CLASRP: variants seen among roughly 807,000 people sequenced by gnomAD.
CLASRP encodes CLK4-associating serine/arginine rich protein.
CLASRP carries 52 observed loss-of-function variants against 99.9 expected under a neutral mutation model. That is an observed-to-expected ratio of 0.52 (90% confidence interval 0.42 to 0.66). CLASRP has a LOEUF of 0.66. Among genes scored for constraint, CLASRP ranks in the 30% least tolerant of loss-of-function variants. The probability of loss-of-function intolerance (pLI) is 0.00; values close to 1 mark genes in which losing one functional copy is unlikely to be tolerated. For synonymous variants in CLASRP, 379 were observed against 373.0 expected (o/e 1.02, Z -0.18); for missense variants, 848 against 999.2 (o/e 0.85, Z 2.04).
At position 45,060,570 on chromosome 19, in the gene CLASRP, G is replaced by A. The variant is rs1966917396; in HGVS notation, c.806G>A (p.Arg269His). The A allele has an allele frequency of 6.2e-7, 1 of 1,613,032 alleles. No individual in the cohort carries two copies. Among genetic ancestry groups the A allele is most frequent in the Admixed American group, 1.7e-5 (1 of 59,948 alleles). ...KAMYSGRRSRRQRREFREKRL... is the reference protein window; with the variant it reads ...KAMYSGRRSRHQRREFREKRL... The stretch of plus-strand genomic sequence containing the variant: ...CTACTCCAGGGACGCCGCTCTCGAC[G>A]CCAGCGGAGAGAGTTTCGGGAGAAG... The change falls in exon 10 of 21, where the codon CGC becomes CAC. Residue 269 changes from arginine (R) to histidine (H), a missense_variant. By Grantham distance (29) the Arg-to-His change is conservative (BLOSUM62 0). Around this residue, in one of 8 missense-constraint regions of CLASRP, gnomAD observed 119 missense variants for 170.2 expected, o/e 0.70. Coordinates refer to ENST00000221455, the MANE Select transcript of CLASRP (RefSeq NM_007056.3). The surrounding 1 kb of genome is among the most constrained non-coding windows in gnomAD (Gnocchi z 4.6).
intron 5 of CLASRP, among the ~76,000 whole-genome samples, chr19:45,055,983 G>T (rs1489839495): frequency 6.6e-6 from 1 of 152,180 alleles, no homozygotes; most frequent in East Asian, 1.9e-4. Flanking sequence ...CCCAGGCTGG[G>T]TGTTGGGGGT....
chr19:45,041,113 C>T (rs922966894), intron 2 of CLASRP, among the ~76,000 whole-genome samples: 3 of 150,304 alleles, frequency 2.0e-5, no homozygotes, highest in Admixed American at 6.7e-5. Flanking sequence ...CCCAGCTACT[C>T]GGGAGGCTGA....
intron 3 of CLASRP, among the ~76,000 whole-genome samples, 157 bp downstream of exon 3, chr19:45,052,325 A>G (rs1972040280): frequency 6.6e-6 from 1 of 152,154 alleles, no homozygotes; most frequent in Admixed American, 6.5e-5. Flanking sequence ...TGATAGTCAC[A>G]GGGTGTAAGA....
At position 45,070,101 on chromosome 19, in the gene CLASRP, T is replaced by A. The variant is rs746565745; in HGVS notation, c.1954T>A (p.Tyr652Asn). The A allele has an allele frequency of 1.9e-6, 3 of 1,562,790 alleles. No individual in the cohort carries two copies. Among genetic ancestry groups the A allele is most frequent in the Non-Finnish European group, 2.6e-6 (3 of 1,133,360 alleles). The change falls in exon 19 of 21, where the codon TAC (tyrosine) becomes AAC (asparagine). Residue 652 changes from tyrosine (Y) to asparagine (N), a missense_variant. Tyr to Asn is a moderately radical substitution (Grantham distance 143, BLOSUM62 -2). Coordinates refer to ENST00000221455, the MANE Select transcript of CLASRP (RefSeq NM_007056.3). ...GCAGAGCCGCTCACCCTCCCCCCGA[T>A]ACAGTGAGTGTCCCCACCAGGCTGC... ...SRQSRSPSPRYSREYSSSRRR... is the reference protein window; with the variant it reads ...SRQSRSPSPRNSREYSSSRRR...
chr19:45,064,311 G>T (rs975377959), intron 12 of CLASRP, 32 bp from the exon 13 acceptor site: 10 of 1,514,976 alleles, frequency 6.6e-6, no homozygotes, highest in East Asian at 4.9e-5. Context: ...GCTCAGGCCT[G>T]CGCTGACCGG....
At position 45,064,313 on chromosome 19, in the gene CLASRP, G is replaced by T. The variant is rs201867467; in HGVS notation, c.1122-30G>T. On this transcript the variant is annotated intron_variant, in intron 12 of 20. Coordinates refer to ENST00000221455, the MANE Select transcript of CLASRP (RefSeq NM_007056.3). The stretch of plus-strand genomic sequence containing the variant: ...GAGGGGGGCCGCGGCTCAGGCCTGC[G>T]CTGACCGGCCCTCCGTGCCCCGCCT... 6.8e-4 allele frequency: 1,036 copies of T among 1,515,636 alleles called. 4 individuals are homozygous for T. In the African/African-American group the frequency reaches 0.013, roughly 19 times the overall value. 93.9% of individuals were successfully genotyped at this position (1,515,636 alleles called of 1,614,324 possible).
chr19:45,066,480 G>A (rs960656064), intron 13 of CLASRP, among the ~76,000 whole-genome samples: 15 of 151,722 alleles, frequency 9.9e-5, no homozygotes, highest in African/African-American at 2.2e-4. Context: ...AAAATTAGCC[G>A]GGTGTGGTTG....
At chr19:45,051,860 C>T (rs1008198072) in intron 2 of CLASRP, among the ~76,000 whole-genome samples, 5 of 151,884 alleles carry the variant, frequency 3.3e-5, no homozygotes, top group Admixed American at 3.3e-4. Flanking sequence ...CCCAGCTACT[C>T]AGAAAGCTGA....
intron 2 of CLASRP, among the ~76,000 whole-genome samples, chr19:45,050,677 T>C (rs1163608455): frequency 3.3e-5 from 5 of 152,088 alleles, no homozygotes; most frequent in African/African-American, 1.2e-4. Context: ...GATTTCTCTA[T>C]ATTCTTGTCA....
chr19:45,050,553 G>T (rs1209485869), intron 2 of CLASRP, among the ~76,000 whole-genome samples: 1 of 151,862 alleles, frequency 6.6e-6, no homozygotes, highest in African/African-American at 2.4e-5. Flanking sequence ...GCATGGTGGC[G>T]CATGCCTGTA....
intron 2 of CLASRP, among the ~76,000 whole-genome samples, chr19:45,048,976 A>T (rs1971973114): frequency 1.3e-5 from 2 of 152,074 alleles, no homozygotes. Flanking sequence ...ACAGAGCGAG[A>T]CTCTGTTTCA....
intron 19 of CLASRP, 30 bp downstream of exon 19, chr19:45,070,134 TG>T: frequency 7.3e-7 from 1 of 1,373,758 alleles, no homozygotes; most frequent in Non-Finnish European, 1.0e-6. Context: ...TGCAGGGCTC[TG>T]GGGCTTTAAA....
Position 45,040,182 on chromosome 19 carries a change from A to T in CLASRP, c.-29-2A>T, listed in dbSNP as rs1221987525. The T allele has an allele frequency of 7.8e-6, 12 of 1,545,968 alleles. No individual in the cohort carries two copies. In the Admixed American group the frequency reaches 2.1e-4, roughly 27 times the overall value. The stretch of plus-strand genomic sequence containing the variant: ...GACTTTCCTGGTCCCTTCATCCCTC[A>T]GGTTGAGGCCCCAGGCTTGGCCTCA... On this transcript the variant is annotated splice_acceptor_variant, in intron 1 of 20. Transcript: ENST00000221455. LOFTEE classifies it low-confidence loss of function (5UTR_SPLICE).
intron 13 of CLASRP, 62 bp downstream of exon 13, chr19:45,064,692 A>G (rs1372812829): frequency 4.7e-6 from 7 of 1,478,590 alleles, no homozygotes; most frequent in Non-Finnish European, 6.3e-6. Context: ...GATCCTGGGG[A>G]GAAGGTGCTC....
chr19:45,069,661 AAGGC>A (rs1286039893), intron 18 of CLASRP: 1 of 441,240 alleles, frequency 2.3e-6, no homozygotes, highest in African/African-American at 2.0e-5. Context: ...TGACAAGATC[AAGGC>A]CAGGCACGGA....
intron 2 of CLASRP, among the ~76,000 whole-genome samples, chr19:45,044,011 A>T (rs1971866307): frequency 6.6e-6 from 1 of 152,100 alleles, no homozygotes; most frequent in African/African-American, 2.4e-5. Context: ...CCTCCCAAGC[A>T]GCTGAGACTA....
intron 5 of CLASRP, among the ~76,000 whole-genome samples, chr19:45,055,660 C>T (rs895326783): frequency 9.2e-5 from 14 of 152,038 alleles, no homozygotes; most frequent in Non-Finnish European, 1.9e-4. Flanking sequence ...ATGGAGAAAC[C>T]CTGTCTGTAC....
chr19:45,046,877 AT>A (rs1283232247), intron 2 of CLASRP, among the ~76,000 whole-genome samples: 1 of 152,130 alleles, frequency 6.6e-6, no homozygotes, highest in African/African-American at 2.4e-5. Flanking sequence ...AAAATACAAA[AT>A]TAGCTGGGCG....
intron 5 of CLASRP, among the ~76,000 whole-genome samples, chr19:45,054,485 G>A (rs7259034): frequency 0.043 from 6,539 of 152,222 alleles, 207 homozygotes; most frequent in Non-Finnish European, 0.063. Flanking sequence ...TCCTGACCTC[G>A]TGATCCACCC....
Sources: allele counts gnomAD v4.1 joint callset (sites outside exome capture counted in the v4.1 genomes callset), GRCh38; gene constraint gnomAD v4.1.1; regional missense constraint gnomAD v4.1.1; non-coding constraint Gnocchi (gnomAD v3.1); transcripts MANE v1.5; gene names NCBI Gene and HGNC (gene_info 2026-07-23, HGNC 2026-07-21).